TERF1: variants seen among roughly 807,000 people sequenced by gnomAD.
TERF1 encodes telomeric repeat-binding factor 1.
A neutral mutation model predicts 55.1 loss-of-function variants in TERF1; 20 were observed. The ratio of observed to expected loss-of-function variants is 0.36; its 90% CI spans 0.26 to 0.53. The LOEUF (loss-of-function observed/expected upper bound fraction) is 0.53. Ranked by LOEUF, TERF1 falls within the 20% of genes least tolerant of loss-of-function variation. The pLI is 0.91. For missense variants in TERF1, 439 were observed against 535.7 expected, an observed-to-expected ratio of 0.82 and a Z score of 1.78; for synonymous variants, 168 against 181.2, an observed-to-expected ratio of 0.93 and a Z score of 0.59.
chr8:73,035,602 A>G (rs1809477378), intron 8 of TERF1, among the ~76,000 whole-genome samples: 1 of 152,128 alleles, frequency 6.6e-6, no homozygotes, highest in African/African-American at 2.4e-5. Flanking sequence ...TTTCCTGTCT[A>G]TTGTTGTATC....
At chr8:73,034,272 C>T (rs1427548121) in intron 8 of TERF1, among the ~76,000 whole-genome samples, 1 of 152,164 alleles carries the variant, frequency 6.6e-6, no homozygotes, top group Non-Finnish European at 1.5e-5. Flanking sequence ...GCTGGGATTA[C>T]AGGAGTGTGC....
At chr8:73,037,651 TTA>T (rs553581868) in intron 8 of TERF1, among the ~76,000 whole-genome samples, 991 of 72,564 alleles carry the variant, frequency 0.014, 31 homozygotes, top group African/African-American at 0.044. Flanking sequence ...ATAATATATA[TTA>T]TATGTATAAT....
chr8:73,046,159 G>T lies in TERF1; in HGVS notation c.*22G>T. ...CTGATTGTGTTTGTAAAAGCTTGATGAAAGGACAGTTAAGTATTTTGATCA... is the reference window on the plus strand; with the variant it reads ...CTGATTGTGTTTGTAAAAGCTTGATTAAAGGACAGTTAAGTATTTTGATCA... On this transcript the variant is annotated 3_prime_UTR_variant, in exon 10 of 10. Coordinates refer to ENST00000276603, the MANE Select transcript of TERF1 (RefSeq NM_017489.3). The T allele has an allele frequency of 3.3e-6, 5 of 1,534,456 alleles. No homozygotes were observed. The highest frequency in any genetic ancestry group is 4.4e-6 in the Non-Finnish European group (5 of 1,145,158).
chr8:73,015,427 C>A (rs961016927), intron 2 of TERF1, among the ~76,000 whole-genome samples: 3 of 151,402 alleles, frequency 2.0e-5, no homozygotes, highest in Admixed American at 6.6e-5. Flanking sequence ...GTAGGCCAGG[C>A]ATAGTGACTC....
chr8:73,042,717 T>C (rs1809882634), intron 9 of TERF1, among the ~76,000 whole-genome samples: 2 of 152,198 alleles, frequency 1.3e-5, no homozygotes, highest in African/African-American at 4.8e-5. Flanking sequence ...GCATTATTTG[T>C]TCTTTAGAAT....
rs116509481 is a variant in TERF1, at chr8:73,035,486, G to A, written c.1039+3353G>A. ...GGTTTATTTTGGTCCATTTGGATGT[G>A]CACAGAGAAGAACGTGAATTCTGGC... On this transcript the variant is annotated intron_variant, in intron 8 of 9. Transcript: ENST00000276603. Among the ~76,000 whole-genome samples the A allele has an allele frequency of 7.4e-3, 1,119 of 151,478 alleles. 22 individuals carry two copies. The highest frequency in any genetic ancestry group is 0.026 in the African/African-American group (1,064 of 41,212).
intron 8 of TERF1, chr8:73,038,657 G>T: frequency 2.0e-6 from 1 of 495,318 alleles, no homozygotes; most frequent in Non-Finnish European, 2.6e-6. Context: ...TAGGTTTTCT[G>T]CCTAAACAAT....
intron 4 of TERF1, among the ~76,000 whole-genome samples, chr8:73,023,257 T>C (rs1020310419): frequency 3.3e-5 from 5 of 152,234 alleles, no homozygotes; most frequent in Non-Finnish European, 7.4e-5. Flanking sequence ...GTTCCTCCAG[T>C]AGTGTGAAAG....
intron 9 of TERF1, among the ~76,000 whole-genome samples, chr8:73,041,088 A>T (rs1407244728): frequency 2.0e-5 from 3 of 152,150 alleles, no homozygotes; most frequent in Non-Finnish European, 4.4e-5. Flanking sequence ...TCTGTGCCAT[A>T]TCTTGAGTGT....
intron 2 of TERF1, among the ~76,000 whole-genome samples, 163 bp from the exon 3 acceptor site, chr8:73,020,521 C>G (rs1035127761): frequency 1.3e-5 from 2 of 152,012 alleles, no homozygotes; most frequent in African/African-American, 4.8e-5. Context: ...TCTTAATGAG[C>G]AAATTAACTT....
At chr8:73,012,965 A>G (rs1272316164) in intron 1 of TERF1, 3 of 455,822 alleles carry the variant, frequency 6.6e-6, no homozygotes, top group South Asian at 4.7e-5. Context: ...TAAATTCTAT[A>G]TAAATTTTGT....
chr8:73,031,043 C>G (rs1056306526), intron 7 of TERF1: 2 of 152,118 alleles, frequency 1.3e-5, no homozygotes, highest in African/African-American at 4.8e-5. Flanking sequence ...TGAAGAAGTG[C>G]TTGGAAGGAT....
chr8:73,042,771 G>T (rs750047322), intron 9 of TERF1: 2 of 152,110 alleles, frequency 1.3e-5, no homozygotes, highest in Non-Finnish European at 2.9e-5. Context: ...CTAGCCTTGG[G>T]AAAGAAAAAG....
At chr8:73,011,137 C>T (rs1487184319) in intron 1 of TERF1, 1 of 81,174 alleles carries the variant, frequency 1.2e-5, no homozygotes, top group Non-Finnish European at 2.9e-5. Flanking sequence ...CAGCATTAGT[C>T]CCTAAGGAGA....
intron 8 of TERF1, among the ~76,000 whole-genome samples, chr8:73,036,701 T>G (rs1407863851): frequency 2.6e-5 from 4 of 151,448 alleles, no homozygotes; most frequent in African/African-American, 9.7e-5. Flanking sequence ...TACCACATGC[T>G]TTAACTCATC....
intron 5 of TERF1, among the ~76,000 whole-genome samples, chr8:73,026,656 C>G (rs1229433782): frequency 6.8e-6 from 1 of 147,256 alleles, no homozygotes; most frequent in Non-Finnish European, 1.5e-5. Flanking sequence ...TTTTTTCATG[C>G]AGCCTTTTCT....
At chr8:73,037,957 AT>A (rs1344469076) in intron 8 of TERF1, among the ~76,000 whole-genome samples, 1 of 135,406 alleles carries the variant, frequency 7.4e-6, no homozygotes, top group Admixed American at 8.8e-5. Flanking sequence ...AAACATATAT[AT>A]ATTTTTCCCC....
At chr8:73,020,214 G>A (rs1808691200) in intron 2 of TERF1, among the ~76,000 whole-genome samples, 1 of 152,156 alleles carries the variant, frequency 6.6e-6, no homozygotes, top group Admixed American at 6.5e-5. Flanking sequence ...GTGAGTCTTT[G>A]TTCTGAATAA....
intron 4 of TERF1, 65 bp downstream of exon 4, chr8:73,022,367 G>A: frequency 1.0e-6 from 1 of 954,202 alleles, no homozygotes; most frequent in Non-Finnish European, 1.6e-6. Flanking sequence ...AAAACTGAAA[G>A]AAAATTGGAG....
Sources: gnomAD v4.1 joint callset for allele counts (sites outside exome capture counted in the v4.1 genomes callset) on GRCh38, gnomAD v4.1.1 for gene constraint, MANE v1.5 for transcripts, NCBI Gene and HGNC (gene_info 2026-07-23, HGNC 2026-07-21) for gene names.